CLEC9A: variants seen among roughly 807,000 people sequenced by gnomAD.
CLEC9A encodes the protein C-type lectin domain family 9 member A.
Under a neutral mutation model 30.0 loss-of-function variants are expected in CLEC9A, and 24 were observed. That is an observed-to-expected ratio of 0.80 (90% CI 0.58 to 1.13). The LOEUF (loss-of-function observed/expected upper bound fraction) is 1.13, where lower values mean the gene tolerates loss of function less well. Ranked by LOEUF, CLEC9A falls within the 50% of genes most tolerant of loss-of-function variation. The pLI, the probability that CLEC9A is intolerant of heterozygous loss-of-function variation, is 0.00. For synonymous variants in CLEC9A, 111 were observed against 96.8 expected (o/e 1.15, Z -0.86); for missense variants, 251 against 280.9 (o/e 0.89, Z 0.76).
At chr12:10,059,875 G>A (rs981987823) in intron 5 of CLEC9A, among the ~76,000 whole-genome samples, 3 of 152,216 alleles carry the variant, frequency 2.0e-5, no homozygotes, top group African/African-American at 4.8e-5. Flanking sequence ...ACCATCCAAC[G>A]AGAAAATGGC....
At chr12:10,047,510 A>C (rs1865856942) in intron 2 of CLEC9A, among the ~76,000 whole-genome samples, 1 of 152,236 alleles carries the variant, frequency 6.6e-6, no homozygotes, top group Non-Finnish European at 1.5e-5. Flanking sequence ...TTCATTCCAA[A>C]TACTTAATCT....
intron 5 of CLEC9A, among the ~76,000 whole-genome samples, chr12:10,055,909 A>C (rs1865938339): frequency 6.6e-6 from 1 of 151,662 alleles, no homozygotes; most frequent in Non-Finnish European, 1.5e-5. Context: ...ATGCAAAAAA[A>C]TTAGCCGGGA....
chr12:10,065,740 GC>G lies in CLEC9A; in HGVS notation c.*110del. 7.8e-7 allele frequency: 1 copy of G among 1,290,012 alleles called. No homozygotes were observed. Among genetic ancestry groups the G allele is most frequent in the Non-Finnish European group, 1.1e-6 (1 of 930,414 alleles). 79.9% of individuals were successfully genotyped at this position (1,290,012 alleles called of 1,614,324 possible). On this transcript the variant is annotated 3_prime_UTR_variant, in exon 9 of 9. Transcript: ENST00000355819. ...AACAGAACAGTAAACCAAAATGTGG[GC>G]CATGAAATTAGCAACCTGGGACTCA...
intron 2 of CLEC9A, 51 bp downstream of exon 2, chr12:10,041,671 A>G (rs1404763067): frequency 1.9e-6 from 1 of 523,268 alleles, no homozygotes; most frequent in Non-Finnish European, 3.8e-6. Flanking sequence ...GAAAACTCTC[A>G]AATGTAACAT....
chr12:10,041,436 C>G, intron 1 of CLEC9A, 30 bp from the exon 2 acceptor site: 1 of 368,884 alleles, frequency 2.7e-6, no homozygotes, highest in African/African-American at 2.1e-5. Context: ...TTAAAAACAA[C>G]AACAACATTC....
At chr12:10,051,076 G>A (rs1865888945) in intron 2 of CLEC9A, among the ~76,000 whole-genome samples, 1 of 151,894 alleles carries the variant, frequency 6.6e-6, no homozygotes. Flanking sequence ...GTGGTGGCGG[G>A]TGCCTGTCAT....
intron 5 of CLEC9A, among the ~76,000 whole-genome samples, chr12:10,058,188 A>G (rs986502310): frequency 5.3e-5 from 8 of 152,236 alleles, no homozygotes; most frequent in African/African-American, 1.9e-4. Flanking sequence ...AGTAATAAAC[A>G]ACAGCTTCTA....
In CLEC9A at chr12:10,065,705, C is replaced by G. The variant is rs1307320634; in HGVS notation, c.*73C>G. The G allele has an allele frequency of 6.4e-7, 1 of 1,553,500 alleles. No homozygotes were observed. The highest frequency in any genetic ancestry group is 2.3e-5 in the East Asian group (1 of 43,786). ...CCATTGGAAAACCCACCCCCACCCCCCCTCAAAAAAACAGAACAGTAAACC... is the reference window on the plus strand; with the variant it reads ...CCATTGGAAAACCCACCCCCACCCCGCCTCAAAAAAACAGAACAGTAAACC... On this transcript the variant is annotated 3_prime_UTR_variant, in exon 9 of 9. Coordinates refer to ENST00000355819, the MANE Select transcript of CLEC9A (RefSeq NM_207345.4).
intron 5 of CLEC9A, among the ~76,000 whole-genome samples, chr12:10,055,925 G>A (rs1408185487): frequency 6.6e-6 from 1 of 151,536 alleles, no homozygotes; most frequent in Non-Finnish European, 1.5e-5. Flanking sequence ...CGGGAGTGGT[G>A]GGGTGCGCCT....
intron 2 of CLEC9A, among the ~76,000 whole-genome samples, chr12:10,050,978 GCGGATCAC>G (rs1160845184): frequency 6.6e-6 from 1 of 152,138 alleles, no homozygotes; most frequent in Non-Finnish European, 1.5e-5. Flanking sequence ...GCCGAGGAAG[GCGGATCAC>G]CTGAGGTCAG....
intron 1 of CLEC9A, among the ~76,000 whole-genome samples, chr12:10,031,919 C>A (rs930760109): frequency 6.6e-6 from 1 of 151,854 alleles, no homozygotes; most frequent in African/African-American, 2.4e-5. Context: ...AAATAACATT[C>A]CAAGTAGAAG....
chr12:10,052,631 G>C lies in CLEC9A; in HGVS notation c.-57G>C. 1 of 1,596,496 alleles carries C rather than the reference G, an allele frequency of 6.3e-7. No individual in the cohort carries two copies. Among genetic ancestry groups the C allele is most frequent in the Non-Finnish European group, 8.5e-7 (1 of 1,171,822 alleles). On this transcript the variant is annotated splice_region_variant and 5_prime_UTR_variant, in exon 4 of 9. The change abolishes the stop of an existing upstream ORF in the 5' untranslated region. Transcript: ENST00000355819. ...CACCAACCTGCTCCAAACCACAAGAGGAGTTACTTGTTCCAGCCTCCTGTG... is the reference window on the plus strand; with the variant it reads ...CACCAACCTGCTCCAAACCACAAGACGAGTTACTTGTTCCAGCCTCCTGTG...
intron 7 of CLEC9A, among the ~76,000 whole-genome samples, chr12:10,064,362 T>A (rs1866023713): frequency 6.6e-6 from 1 of 152,216 alleles, no homozygotes; most frequent in Admixed American, 6.5e-5. Context: ...TTTTTCTACA[T>A]CGACGTATAC....
chr12:10,050,405 A>C (rs1386528903), intron 2 of CLEC9A, among the ~76,000 whole-genome samples: 1 of 152,186 alleles, frequency 6.6e-6, no homozygotes, highest in Non-Finnish European at 1.5e-5. Context: ...AGTATCTGCA[A>C]AGCGCAATAA....
At chr12:10,047,444 G>A in intron 2 of CLEC9A, among the ~76,000 whole-genome samples, 1 of 152,106 alleles carries the variant, frequency 6.6e-6, no homozygotes, top group Non-Finnish European at 1.5e-5. Context: ...CATATCTAAA[G>A]CATCTTACAC....
chr12:10,061,147 G>C lies in CLEC9A; in HGVS notation c.193G>C (p.Ala65Pro). ...GVKLLQVSTIAMQQQEKLIQQ... is the reference protein window; with the variant it reads ...GVKLLQVSTIPMQQQEKLIQQ... Reference sequence around the variant, plus strand: ...TGAAGTGTTGCAGGTGTCCACCATTGCGATGCAGCAGCAAGAAAAACTCAT... The same window carrying C: ...TGAAGTGTTGCAGGTGTCCACCATTCCGATGCAGCAGCAAGAAAAACTCAT... Residue 65 changes from alanine (A) to proline (P), a missense_variant, in exon 6 of 9, where the codon GCG becomes CCG. By Grantham distance (27) the Ala-to-Pro change is conservative (BLOSUM62 -1). Coordinates refer to ENST00000355819, the MANE Select transcript of CLEC9A (RefSeq NM_207345.4). 6.2e-7 allele frequency: 1 copy of C among 1,610,686 alleles called. No homozygotes were observed. The highest frequency in any genetic ancestry group is 1.1e-5 in the South Asian group (1 of 90,292).
At position 10,042,230 on chromosome 12, in the gene CLEC9A, G is replaced by T. The variant is rs546518040; in HGVS notation, c.-163+610G>T. 1.5e-4 allele frequency among the ~76,000 whole-genome samples: 23 copies of T among 152,314 alleles called. No homozygotes were observed. The East Asian group carries it at 3.7e-3, about 24-fold the overall frequency. ...CAGGTTCTGTAGGGAAGTATATAAT[G>T]TTGATATATTCTAAAGAAAAGATTA... On this transcript the variant is annotated intron_variant, in intron 2 of 8. Transcript: ENST00000355819.
rs766469382 is a variant in CLEC9A, at chr12:10,052,623, C to A, written c.-58-7C>A. ...AGTTCTTACACCAACCTGCTCCAAA[C>A]CACAAGAGGAGTTACTTGTTCCAGC... is the stretch of plus-strand genomic sequence containing the variant. On this transcript the variant is annotated splice_region_variant and splice_polypyrimidine_tract_variant and intron_variant, in intron 3 of 8. Transcript: ENST00000355819. 5 of 1,590,442 alleles carry A rather than the reference C, an allele frequency of 3.1e-6. No homozygotes were observed. The highest frequency in any genetic ancestry group is 4.3e-6 in the Non-Finnish European group (5 of 1,168,960).
chr12:10,051,276 G>A (rs986721214), intron 2 of CLEC9A, among the ~76,000 whole-genome samples: 1 of 151,958 alleles, frequency 6.6e-6, no homozygotes, highest in Non-Finnish European at 1.5e-5. Context: ...GTTGCCCCTG[G>A]GGATTCTCTC....
Sources: gnomAD v4.1 joint callset for allele counts (sites outside exome capture counted in the v4.1 genomes callset) on GRCh38, gnomAD v4.1.1 for gene constraint, MANE v1.5 for transcripts, NCBI Gene and HGNC (gene_info 2026-07-23, HGNC 2026-07-21) for gene names.